The following LYPLAL1 variants were observed in gnomAD, a reference collection of about 807,000 sequenced individuals.
The protein encoded by LYPLAL1 is lysophospholipase like 1, also known as lysophospholipase-like protein 1.
In LYPLAL1, 23 loss-of-function variants were observed where a neutral mutation model predicts 19.7. The observed-to-expected ratio is 1.17, with a 90% confidence interval of 0.84 to 1.65. LYPLAL1 has a LOEUF of 1.65. Ranked by LOEUF, LYPLAL1 falls within the 40% of genes most tolerant of loss-of-function variation. The pLI is 0.00. For missense variants in LYPLAL1, 355 were observed against 279.4 expected (o/e 1.27, Z -1.93); for synonymous variants, 119 against 96.3 (o/e 1.24, Z -1.38).
At chr1:219,261,307 A>G in the LYPLAL1 span, among the ~76,000 whole-genome samples, 1 of 152,136 alleles carries the variant, frequency 6.6e-6, no homozygotes, top group African/African-American at 2.4e-5. Flanking sequence ...ATGATTCTTC[A>G]CCACCTGGTG....
chr1:219,289,014 A>T, the LYPLAL1 span, among the ~76,000 whole-genome samples: 3 of 151,344 alleles, frequency 2.0e-5, no homozygotes, highest in Non-Finnish European at 2.9e-5. Flanking sequence ...GATGATAAAC[A>T]TAGGCTCCTT....
the LYPLAL1 span, among the ~76,000 whole-genome samples, chr1:219,254,788 C>T: frequency 6.6e-6 from 1 of 151,880 alleles, no homozygotes; most frequent in Non-Finnish European, 1.5e-5. Flanking sequence ...TTGCAGTTCT[C>T]TGTATTAACT....
At chr1:219,312,779 C>T in the LYPLAL1 span, among the ~76,000 whole-genome samples, 4 of 152,234 alleles carry the variant, frequency 2.6e-5, no homozygotes, top group South Asian at 2.1e-4. Context: ...TACCTGAAGG[C>T]GATAGGCTGC....
the LYPLAL1 span, among the ~76,000 whole-genome samples, chr1:219,397,312 T>G: frequency 6.6e-6 from 1 of 152,250 alleles, no homozygotes; most frequent in Non-Finnish European, 1.5e-5. Flanking sequence ...TAGATTCAGT[T>G]TGCCAATTTT....
At chr1:219,174,841 TAAAAAC>T in intron 1 of LYPLAL1, 1 of 962,336 alleles carries the variant, frequency 1.0e-6, no homozygotes, top group Middle Eastern at 5.3e-4. Context: ...TACCTAAAGT[TAAAAAC>T]AAAAACAATC....
At chr1:219,342,319 C>T in the LYPLAL1 span, among the ~76,000 whole-genome samples, 2 of 152,180 alleles carry the variant, frequency 1.3e-5, no homozygotes, top group East Asian at 3.9e-4. Flanking sequence ...AGTAAATCCT[C>T]CAGAGATAAA....
chr1:219,265,379 A>G, the LYPLAL1 span, among the ~76,000 whole-genome samples: 1 of 152,218 alleles, frequency 6.6e-6, no homozygotes, highest in African/African-American at 2.4e-5. Context: ...GAAGAGATGA[A>G]TCATAAACAA....
chr1:219,205,557 A>G (rs990535212), intron 3 of LYPLAL1, among the ~76,000 whole-genome samples: 5 of 152,222 alleles, frequency 3.3e-5, no homozygotes, highest in African/African-American at 1.2e-4. Context: ...AATTCTGTAC[A>G]GTACAAAATA....
At chr1:219,364,556 G>A in the LYPLAL1 span, among the ~76,000 whole-genome samples, 3 of 151,998 alleles carry the variant, frequency 2.0e-5, no homozygotes, top group Non-Finnish European at 2.9e-5. Flanking sequence ...ATCACTATCC[G>A]ATCTTGACTT....
the LYPLAL1 span, among the ~76,000 whole-genome samples, chr1:219,429,841 G>T: frequency 6.6e-6 from 1 of 152,108 alleles, no homozygotes; most frequent in Non-Finnish European, 1.5e-5. Context: ...AAATTCAGTT[G>T]TACATGAAGT....
chr1:219,205,363 C>CA (rs66877413), intron 3 of LYPLAL1, among the ~76,000 whole-genome samples: 57,337 of 127,326 alleles, frequency 0.45, 13,236 homozygotes, highest in South Asian at 0.6. Flanking sequence ...GACTCCGTCT[C>CA]AAAAAAAAAA....
the LYPLAL1 span, among the ~76,000 whole-genome samples, chr1:219,403,739 T>C: frequency 1.3e-5 from 2 of 152,220 alleles, no homozygotes; most frequent in African/African-American, 4.8e-5. Context: ...AATTCCTTTA[T>C]TTCTATTTTT....
the LYPLAL1 span, among the ~76,000 whole-genome samples, chr1:219,257,909 C>T: frequency 6.6e-6 from 1 of 152,008 alleles, no homozygotes; most frequent in Admixed American, 6.6e-5. Flanking sequence ...ATAAGACAGA[C>T]ACTCCCAGAG....
the LYPLAL1 span, among the ~76,000 whole-genome samples, chr1:219,244,411 C>T: frequency 6.6e-6 from 1 of 152,072 alleles, no homozygotes; most frequent in Non-Finnish European, 1.5e-5. Flanking sequence ...TTATTTAAGA[C>T]CTGGAAAATT....
Position 219,173,970 on chromosome 1 carries a change from T to C in LYPLAL1, c.80T>C (p.Leu27Pro), listed in dbSNP as rs1234665347. 1 of 1,614,102 alleles carries C rather than the reference T, an allele frequency of 6.2e-7. No individual in the cohort carries two copies. The highest frequency in any genetic ancestry group is 1.3e-5 in the African/African-American group (1 of 75,068). The change falls in exon 1 of 5, where the codon CTG becomes CCG. Residue 27 changes from leucine to proline, a missense_variant. By Grantham distance (98) the Leu-to-Pro change is moderately conservative (BLOSUM62 -3). Transcript: ENST00000366928. ...AGRHSASLIF[L>P]HGSGDSGQGL... ...AGGCATAGCGCCTCTCTGATCTTCC[T>C]GCATGGCTCAGGTGGATTTCAATTT...
the LYPLAL1 span, among the ~76,000 whole-genome samples, chr1:219,358,835 C>T: frequency 4.9e-4 from 74 of 149,968 alleles, no homozygotes; most frequent in African/African-American, 1.4e-3. Context: ...TGTGTGTGTG[C>T]GTGTGTGTGT....
At chr1:219,423,559 G>A in the LYPLAL1 span, among the ~76,000 whole-genome samples, 1 of 152,120 alleles carries the variant, frequency 6.6e-6, no homozygotes, top group Non-Finnish European at 1.5e-5. Flanking sequence ...CACTAAGACT[G>A]AATTCTAATT....
chr1:219,209,729 T>A (rs952917909), intron 3 of LYPLAL1, among the ~76,000 whole-genome samples: 3 of 152,134 alleles, frequency 2.0e-5, no homozygotes, highest in African/African-American at 4.8e-5. Context: ...AGTCACTGAC[T>A]TGTCGTCAGG....
chr1:219,352,201 A>G, the LYPLAL1 span, among the ~76,000 whole-genome samples: 1 of 152,180 alleles, frequency 6.6e-6, no homozygotes, highest in African/African-American at 2.4e-5. Context: ...CACCTCTTTG[A>G]GCCTCAGTCT....
Sources: allele counts gnomAD v4.1 joint callset (sites outside exome capture counted in the v4.1 genomes callset), GRCh38; gene constraint gnomAD v4.1.1; transcripts MANE v1.5; gene names NCBI Gene and HGNC (gene_info 2026-07-23, HGNC 2026-07-21).